The following SLC35E2B variants were observed in gnomAD, a reference collection of about 807,000 sequenced individuals.
SLC35E2B encodes solute carrier family 35, member E2B.
Under a neutral mutation model 32.4 loss-of-function variants are expected in SLC35E2B, and 18 were observed. The ratio of observed to expected loss-of-function variants is 0.56; its 90% CI spans 0.38 to 0.82. SLC35E2B has a LOEUF of 0.82. Among genes scored for constraint, SLC35E2B ranks in the 40% least tolerant of loss-of-function variants. SLC35E2B has a pLI of 0.00. For synonymous variants in SLC35E2B, 132 were observed against 209.1 expected (o/e 0.63, Z 3.18); for missense variants, 263 against 469.5 (o/e 0.56, Z 4.06).
intron 8 of SLC35E2B, among the ~76,000 whole-genome samples, 178 bp downstream of exon 8, chr1:1,669,486 A>G (rs1167146432): frequency 1.3e-5 from 2 of 152,246 alleles, no homozygotes; most frequent in Non-Finnish European, 2.9e-5. Flanking sequence ...GTCTTCACAC[A>G]GAAATCTGAG....
chr1:1,678,527 C>T (rs762594349), intron 2 of SLC35E2B, among the ~76,000 whole-genome samples: 8 of 152,092 alleles, frequency 5.3e-5, no homozygotes, highest in Non-Finnish European at 1.0e-4. Context: ...CTCAGTGCCA[C>T]CCAGACGCTC....
In SLC35E2B at chr1:1,665,064, A is replaced by G. The variant is rs1005107414; in HGVS notation, c.*718T>C. ...CCCTGGGGTTGCGGGGAGCTCACGC[A>G]GCCCAGGGTGTGGAAGGGATAGGAG... is the stretch of plus-strand genomic sequence containing the variant. On this transcript the variant is annotated 3_prime_UTR_variant, in exon 10 of 10. Transcript: ENST00000617444. The G allele has an allele frequency of 9.3e-6, 6 of 644,450 alleles. No homozygotes were observed. Among genetic ancestry groups the G allele is most frequent in the South Asian group, 6.8e-5 (1 of 14,688 alleles). 39.9% of individuals were successfully genotyped at this position (644,450 alleles called of 1,614,324 possible).
chr1:1,668,845 G>A (rs1643611835), intron 8 of SLC35E2B, among the ~76,000 whole-genome samples: 1 of 151,978 alleles, frequency 6.6e-6, no homozygotes, highest in Non-Finnish European at 1.5e-5. Context: ...ATAAAAACTA[G>A]CCAGGCGTGG....
In SLC35E2B at chr1:1,664,172, G is replaced by A. The variant is rs1050279777; in HGVS notation, c.*1610C>T. 4.5e-6 allele frequency: 2 copies of A among 446,936 alleles called. No homozygotes were observed. The highest frequency in any genetic ancestry group is 5.9e-6 in the Non-Finnish European group (2 of 336,908). The allele number at this position is 446,936 out of a possible 1,614,324, so 27.7% of individuals were successfully genotyped here. On this transcript the variant is annotated 3_prime_UTR_variant, in exon 10 of 10. Coordinates refer to ENST00000617444, the MANE Select transcript of SLC35E2B (RefSeq NM_001290264.2). ...TACTCCAGCCTGGGTGACAGACAGA[G>A]CAAGACTGTCTCAAAAAAATAAAAA...
At chr1:1,683,877 G>C (rs1223535396) in intron 2 of SLC35E2B, among the ~76,000 whole-genome samples, 4 of 152,162 alleles carry the variant, frequency 2.6e-5, no homozygotes, top group Non-Finnish European at 5.9e-5. Context: ...TTTCATATCA[G>C]AGCACAAGTG....
At chr1:1,672,439 C>G (rs1011512808) in intron 5 of SLC35E2B, 1 of 152,224 alleles carries the variant, frequency 6.6e-6, no homozygotes, top group Non-Finnish European at 1.5e-5. Context: ...GGACCCGAGT[C>G]TGTGCGGGGA....
chr1:1,666,844 G>T (rs544767266), intron 9 of SLC35E2B, among the ~76,000 whole-genome samples: 1 of 152,060 alleles, frequency 6.6e-6, no homozygotes, highest in Non-Finnish European at 1.5e-5. Context: ...CGTGGCTCAC[G>T]CCTGTAATCC....
intron 7 of SLC35E2B, 69 bp from the exon 8 acceptor site, chr1:1,669,805 A>G (rs1312586147): frequency 1.4e-6 from 2 of 1,478,766 alleles, no homozygotes; most frequent in African/African-American, 2.8e-5. Flanking sequence ...GCTCCCTCAC[A>G]GCAAGAACAC....
intron 7 of SLC35E2B, 40 bp downstream of exon 7, chr1:1,670,058 G>A (rs1263748093): frequency 8.7e-6 from 13 of 1,501,254 alleles, no homozygotes; most frequent in East Asian, 2.5e-5. Context: ...AGTCCTCTTC[G>A]TCTTATGACT....
At chr1:1,678,796 T>C (rs1643875419) in intron 2 of SLC35E2B, among the ~76,000 whole-genome samples, 1 of 152,196 alleles carries the variant, frequency 6.6e-6, no homozygotes, top group Non-Finnish European at 1.5e-5. Context: ...CTCCATGGGC[T>C]GCAGCCTCCC....
At chr1:1,671,671 C>T (rs781628170) in intron 5 of SLC35E2B, 42 bp from the exon 6 acceptor site, 59 of 1,463,606 alleles carry the variant, frequency 4.0e-5, no homozygotes, top group African/African-American at 7.2e-5. Context: ...ACCCGCCGGG[C>T]GGACGCTCCC....
chr1:1,671,361 G>A (rs1440135178), intron 6 of SLC35E2B, 148 bp downstream of exon 6: 8 of 901,274 alleles, frequency 8.9e-6, no homozygotes, highest in Non-Finnish European at 1.2e-5. Flanking sequence ...GGGGATACCT[G>A]TTGTTTTGCT....
In SLC35E2B at chr1:1,665,839, C is replaced by T. The variant is rs1643527984; in HGVS notation, c.1161G>A (p.Arg387=). ...ALQSLAAATG[R]APDDTVEPLL... ...GCGGCTCCACTGTGTCGTCTGGGGC[C>T]CGGCCAGTGGCTGCAGCCAGGCTCT... The change falls in exon 10 of 10, where the codon CGG becomes CGA. Residue 387 remains arginine (R), a synonymous_variant. Coordinates refer to ENST00000617444, the MANE Select transcript of SLC35E2B (RefSeq NM_001290264.2). 1 of 1,551,028 alleles carries T rather than the reference C, an allele frequency of 6.4e-7. No individual in the cohort carries two copies. Among genetic ancestry groups the T allele is most frequent in the Non-Finnish European group, 8.7e-7 (1 of 1,146,992 alleles).
intron 9 of SLC35E2B, among the ~76,000 whole-genome samples, chr1:1,667,282 A>G (rs924070954): frequency 1.3e-4 from 19 of 151,656 alleles, no homozygotes; most frequent in African/African-American, 4.1e-4. Flanking sequence ...GCGTGGTGGC[A>G]GTCGCCTGTA....
chr1:1,666,080 C>G (rs1643537476), intron 9 of SLC35E2B, 61 bp from the exon 10 acceptor site: 1 of 1,499,380 alleles, frequency 6.7e-7, no homozygotes, highest in Non-Finnish European at 9.0e-7. Flanking sequence ...AGCCCGTGGC[C>G]AGCAGCTCGG....
In SLC35E2B at chr1:1,688,402, C is replaced by T. The variant is rs372193219; in HGVS notation, c.-148+2574G>A. Reference sequence around the variant, plus strand: ...TGGGCGGATCACAAGGTCAGGACATCGAGATCCTCCTGGCCAACACAGTCA... The same window carrying T: ...TGGGCGGATCACAAGGTCAGGACATTGAGATCCTCCTGGCCAACACAGTCA... On this transcript the variant is annotated intron_variant, in intron 2 of 9. Transcript: ENST00000617444. 1.5e-3 allele frequency among the ~76,000 whole-genome samples: 228 copies of T among 151,406 alleles called. 2 individuals carry two copies. Among genetic ancestry groups the T allele is most frequent in the African/African-American group, 5.3e-3 (217 of 41,190 alleles).
At chr1:1,684,814 A>AAC (rs1643932588) in intron 2 of SLC35E2B, among the ~76,000 whole-genome samples, 1 of 147,646 alleles carries the variant, frequency 6.8e-6, no homozygotes, top group Non-Finnish European at 1.5e-5. Context: ...AAAAAAAAAA[A>AAC]CAGGACAGCC....
intron 2 of SLC35E2B, among the ~76,000 whole-genome samples, chr1:1,684,679 A>C (rs1359451077): frequency 2.0e-5 from 3 of 150,332 alleles, no homozygotes; most frequent in Non-Finnish European, 4.4e-5. Context: ...AGTCCCAGCT[A>C]CTTGGCAGGC....
rs756610571 is a variant in SLC35E2B at position 1,675,528 on chromosome 1, G to A, written c.521C>T (p.Thr174Met). 18 of 1,564,754 alleles carry A rather than the reference G, an allele frequency of 1.2e-5. No homozygotes were observed. Among genetic ancestry groups the A allele is most frequent in the African/African-American group, 5.6e-5 (4 of 71,972 alleles). The part of the protein sequence containing the change: ...LKNVAVSFAE[T>M]VKSSAPIFTV... ...GAAGATGGGGGCGGAGCTCTTCACC[G>A]TCTCAGCAAACGAAACCGCCACATT... Residue 174 changes from threonine to methionine, a missense_variant, in exon 5 of 10, where the codon ACG becomes ATG. Physicochemically the swap from Thr to Met is moderately conservative, Grantham distance 81. Transcript: ENST00000617444.
Sources: gnomAD v4.1 joint callset for allele counts (sites outside exome capture counted in the v4.1 genomes callset) on GRCh38, gnomAD v4.1.1 for gene constraint, MANE v1.5 for transcripts, NCBI Gene and HGNC (gene_info 2026-07-23, HGNC 2026-07-21) for gene names.